Variants in SCARA5 observed in about 807,000 individuals in gnomAD.
The protein encoded by SCARA5 is scavenger receptor class A member 5, also known as scavenger receptor class A, member 5 (putative).
SCARA5 carries 45 observed loss-of-function variants against 46.3 expected under a neutral mutation model. That is an observed-to-expected ratio of 0.97 (90% CI 0.76 to 1.24). The LOEUF (loss-of-function observed/expected upper bound fraction) is 1.24. Ranked by LOEUF, SCARA5 falls within the 50% of genes most tolerant of loss-of-function variation. The pLI, the probability that SCARA5 is intolerant of heterozygous loss-of-function variation, is 0.00. For missense variants in SCARA5, 680 were observed against 689.0 expected (o/e 0.99, Z 0.15); for synonymous variants, 333 against 306.5 (o/e 1.09, Z -0.90).
intron 6 of SCARA5, 139 bp from the exon 7 acceptor site, chr8:27,904,973 G>A (rs767129914): frequency 4.0e-5 from 30 of 743,062 alleles, no homozygotes; most frequent in Non-Finnish European, 5.2e-5. Flanking sequence ...GAGCCCAGCA[G>A]GCAGGAGAAG....
intron 3 of SCARA5, among the ~76,000 whole-genome samples, chr8:27,951,815 C>T (rs968944333): frequency 2.0e-5 from 3 of 152,166 alleles, no homozygotes; most frequent in Non-Finnish European, 4.4e-5. Context: ...GGAATGACTT[C>T]GAGCGAACTC....
chr8:27,935,992 A>G (rs1445763463), intron 3 of SCARA5, among the ~76,000 whole-genome samples: 2 of 152,126 alleles, frequency 1.3e-5, no homozygotes, highest in African/African-American at 4.8e-5. Context: ...GCTCAGCAGG[A>G]AACATAAGAT....
intron 7 of SCARA5, chr8:27,903,426 G>A (rs1313491479): frequency 7.9e-5 from 12 of 152,322 alleles, no homozygotes; most frequent in South Asian, 4.1e-4. Flanking sequence ...ATGTTAGATG[G>A]TGTGGGAAGA....
intron 3 of SCARA5, among the ~76,000 whole-genome samples, chr8:27,951,800 C>T (rs1808132894): frequency 6.6e-6 from 1 of 152,170 alleles, no homozygotes; most frequent in South Asian, 2.1e-4. Flanking sequence ...CAACATTTTT[C>T]ACGGGGAATG....
rs1178601729 is a variant in SCARA5 at position 27,984,908 on chromosome 8, TATTCATTCATCCATTCACCCATTCATCC to T, written c.112+2568_112+2595del. Among the ~76,000 whole-genome samples the T allele has an allele frequency of 1.0e-4, 15 of 149,864 alleles. No individual in the cohort carries two copies. The East Asian group carries it at 2.8e-3, about 28-fold the overall frequency. ...TTACTCATTCATTCATCCATCCATTTATTCATTCATCCATTCACCCATTCATCCATCCATTCATTCATCCATCTATCCA... is the reference window on the plus strand; with the variant it reads ...TTACTCATTCATTCATCCATCCATTTATCCATTCATTCATCCATCTATCCA... On this transcript the variant is annotated intron_variant, in intron 2 of 8. Transcript: ENST00000354914.
At chr8:27,976,411 A>T (rs1808524705) in intron 2 of SCARA5, among the ~76,000 whole-genome samples, 1 of 152,148 alleles carries the variant, frequency 6.6e-6, no homozygotes, top group African/African-American at 2.4e-5. Context: ...TGTTCAGAAG[A>T]TTCCCAGTTC....
At chr8:27,896,248 G>A (rs1167909520) in intron 7 of SCARA5, among the ~76,000 whole-genome samples, 3 of 152,190 alleles carry the variant, frequency 2.0e-5, no homozygotes, top group East Asian at 1.9e-4. Flanking sequence ...GCTGACATCC[G>A]TAAGGCACCC....
intron 7 of SCARA5, among the ~76,000 whole-genome samples, chr8:27,892,286 C>T (rs998411846): frequency 5.6e-4 from 86 of 152,232 alleles, no homozygotes; most frequent in Non-Finnish European, 3.1e-4. Context: ...CCACAAGGCC[C>T]ACCTGAACTA....
At chr8:27,911,565 G>T (rs778741405) in intron 4 of SCARA5, among the ~76,000 whole-genome samples, 18 of 152,164 alleles carry the variant, frequency 1.2e-4, no homozygotes, top group Non-Finnish European at 2.5e-4. Flanking sequence ...GGTGGTGGGC[G>T]CCTGTAATCC....
chr8:27,910,995 C>A (rs922178757), intron 4 of SCARA5, among the ~76,000 whole-genome samples: 4 of 152,170 alleles, frequency 2.6e-5, no homozygotes, highest in African/African-American at 9.7e-5. Context: ...ATGTGACCTG[C>A]CCACGTCCAC....
chr8:27,881,439 T>C (rs28773784), intron 7 of SCARA5, among the ~76,000 whole-genome samples: 13,008 of 148,650 alleles, frequency 0.088, 1,065 homozygotes, highest in African/African-American at 0.23. Flanking sequence ...CCTAAGTGAA[T>C]TAATGCAGGA....
chr8:27,966,005 G>A (rs191019271), intron 3 of SCARA5, among the ~76,000 whole-genome samples: 1 of 152,318 alleles, frequency 6.6e-6, no homozygotes, highest in African/African-American at 2.4e-5. Flanking sequence ...TAACTGCAAA[G>A]GGCAGCAGGT....
intron 3 of SCARA5, among the ~76,000 whole-genome samples, chr8:27,950,075 G>A (rs1266052681): frequency 2.0e-5 from 3 of 152,162 alleles, no homozygotes; most frequent in African/African-American, 7.2e-5. Context: ...CTGAGAGCCT[G>A]GAAACGCTGG....
At chr8:27,950,295 T>C (rs1808103795) in intron 3 of SCARA5, among the ~76,000 whole-genome samples, 1 of 152,162 alleles carries the variant, frequency 6.6e-6, no homozygotes, top group Admixed American at 6.5e-5. Context: ...GCCAGGAATA[T>C]GCACGACTAC....
chr8:27,958,059 A>G (rs1330551072), intron 3 of SCARA5, among the ~76,000 whole-genome samples: 1 of 152,192 alleles, frequency 6.6e-6, no homozygotes, highest in Non-Finnish European at 1.5e-5. Context: ...CTCTTTGCCT[A>G]GAAGGATTGC....
At chr8:27,978,757 C>T (rs1291094824) in intron 2 of SCARA5, among the ~76,000 whole-genome samples, 2 of 152,106 alleles carry the variant, frequency 1.3e-5, no homozygotes, top group African/African-American at 2.4e-5. Flanking sequence ...GCAATCCTCC[C>T]ATCTCGGCCT....
At position 27,904,757 on chromosome 8, in the gene SCARA5, GC is replaced by G; in HGVS notation, c.1153+20del. On this transcript the variant is annotated intron_variant, in intron 7 of 8. Coordinates refer to ENST00000354914, the MANE Select transcript of SCARA5 (RefSeq NM_173833.6). ...CCCTGTGCCAACACCATATCCCACG[GC>G]CCCAGCAGAATGTCCTTACTGGCAT... 6.2e-7 allele frequency: 1 copy of G among 1,609,314 alleles called. No individual in the cohort carries two copies. The highest frequency in any genetic ancestry group is 8.5e-7 in the Non-Finnish European group (1 of 1,175,616).
chr8:27,977,668 A>G (rs1458536160), intron 2 of SCARA5, among the ~76,000 whole-genome samples: 3 of 152,180 alleles, frequency 2.0e-5, no homozygotes, highest in Non-Finnish European at 4.4e-5. Flanking sequence ...GTTCACTGTC[A>G]TAAGACTTGA....
rs780775242 is a variant in SCARA5, at chr8:27,879,608, C to T, written c.1312G>A (p.Gly438Ser). 1.5e-5 allele frequency: 24 copies of T among 1,610,766 alleles called. No homozygotes were observed. Among genetic ancestry groups the T allele is most frequent in the Non-Finnish European group, 1.9e-5 (23 of 1,180,022 alleles). The change falls in exon 8 of 9, where the codon GGT becomes AGT. Residue 438 changes from glycine (G) to serine (S), a missense_variant. By Grantham distance (56) the Gly-to-Ser change is moderately conservative. Coordinates refer to ENST00000354914, the MANE Select transcript of SCARA5 (RefSeq NM_173833.6). ...DVVCRMLGFRGVEEVYRTARF... is the reference protein window; with the variant it reads ...DVVCRMLGFRSVEEVYRTARF... ...GCTGTGCGGTACACCTCCTCCACACCGCGGAAGCCGAGCATGCGGCACACC... is the reference window on the plus strand; with the variant it reads ...GCTGTGCGGTACACCTCCTCCACACTGCGGAAGCCGAGCATGCGGCACACC...
Sources: gnomAD v4.1 joint callset for allele counts (sites outside exome capture counted in the v4.1 genomes callset) on GRCh38, gnomAD v4.1.1 for gene constraint, MANE v1.5 for transcripts, NCBI Gene and HGNC (gene_info 2026-07-23, HGNC 2026-07-21) for gene names.